MYCBP2: variants seen among roughly 807,000 people sequenced by gnomAD.
The protein encoded by MYCBP2 is MYC binding protein 2.
MYCBP2 carries 120 observed loss-of-function variants against 525.3 expected under a neutral mutation model. The ratio of observed to expected loss-of-function variants is 0.23; its 90% confidence interval spans 0.20 to 0.27. The LOEUF (loss-of-function observed/expected upper bound fraction) is 0.27, where lower values mean the gene tolerates loss of function less well. Ranked by LOEUF, MYCBP2 falls within the 10% of genes least tolerant of loss-of-function variation. The probability of loss-of-function intolerance (pLI) is 1.00; values close to 1 mark genes in which losing one functional copy is unlikely to be tolerated. For missense variants in MYCBP2, 4,149 were observed against 5,657.1 expected, an observed-to-expected ratio of 0.73 and a Z score of 8.55; for synonymous variants, 1,894 against 1,955.8, an observed-to-expected ratio of 0.97 and a Z score of 0.83.
At chr13:77,279,305 C>T (rs1159745217) in intron 3 of MYCBP2, among the ~76,000 whole-genome samples, 1 of 151,976 alleles carries the variant, frequency 6.6e-6, no homozygotes, top group East Asian at 1.9e-4. Flanking sequence ...AGTTGGTATC[C>T]CTTCTTGTAG....
At chr13:77,250,697 A>T (rs527619569) in intron 15 of MYCBP2, among the ~76,000 whole-genome samples, 48 of 152,352 alleles carry the variant, frequency 3.2e-4, no homozygotes, top group African/African-American at 1.1e-3. Flanking sequence ...AAGCAAGCAT[A>T]CAACGTTTCT....
In MYCBP2 at chr13:77,161,907, T is replaced by G; in HGVS notation, c.6596A>C (p.Gln2199Pro). 1 of 1,607,176 alleles carries G rather than the reference T, an allele frequency of 6.2e-7. No homozygotes were observed. The highest frequency in any genetic ancestry group is 8.5e-7 in the Non-Finnish European group (1 of 1,176,006). ...DLEILEEAAL[Q>P]VCKTHSGILG... is the part of the protein sequence containing the mutation. ...TCCTTAAAACATTTGGGACAATACC[T>G]GCAATGCAGCCTCCTCAAGAATTTC... The change falls in exon 44 of 83, where the codon CAG (glutamine) becomes CCG (proline). Residue 2199 changes from glutamine to proline, a missense_variant and splice_region_variant. Physicochemically the swap from Gln to Pro is moderately conservative, Grantham distance 76. Around this residue, in one of 21 missense-constraint regions of MYCBP2, gnomAD observed 692 missense variants for 852.7 expected, o/e 0.81. Transcript: ENST00000544440.
rs566284842 is a variant in MYCBP2 at position 77,097,546 on chromosome 13, T to C, written c.9608A>G (p.Lys3203Arg). The change falls in exon 56 of 83, where the codon AAG (lysine) becomes AGG (arginine). Residue 3203 changes from lysine (K) to arginine (R), a missense_variant. Lys to Arg is a conservative substitution (Grantham distance 26). Coordinates refer to ENST00000544440, the MANE Select transcript of MYCBP2 (RefSeq NM_015057.5). Reference protein sequence around the residue: ...LKKKECEKENKKSKKEKKKKE... With the variant: ...LKKKECEKENRKSKKEKKKKE... ...TTTCTTTTTTTCCTTTTTGGACTTC[T>C]TATTCTCTTTCTCACACTCTTTCTT... 1.1e-5 allele frequency: 18 copies of C among 1,612,772 alleles called. No homozygotes were observed. The East Asian group carries it at 3.6e-4, about 32-fold the overall frequency.
chr13:77,268,031 A>G (rs185706864), intron 7 of MYCBP2, 94 bp from the exon 8 acceptor site: 1 of 649,542 alleles, frequency 1.5e-6, no homozygotes, highest in African/African-American at 1.9e-5. Context: ...TTTTTGAGGT[A>G]CAATAATACA....
intron 57 of MYCBP2, among the ~76,000 whole-genome samples, chr13:77,095,805 T>C (rs979682474): frequency 1.3e-5 from 2 of 152,158 alleles, no homozygotes; most frequent in Non-Finnish European, 2.9e-5. Flanking sequence ...CAAACTATAC[T>C]TCCTTTCCTT....
At chr13:77,085,666 G>A (rs975004718) in intron 62 of MYCBP2, among the ~76,000 whole-genome samples, 1 of 152,142 alleles carries the variant, frequency 6.6e-6, no homozygotes, top group African/African-American at 2.4e-5. Context: ...TTTAGTGTTC[G>A]CCATTTTGGC....
chr13:77,174,594 A>G, intron 36 of MYCBP2, 105 bp from the exon 37 acceptor site: 2 of 801,138 alleles, frequency 2.5e-6, no homozygotes, highest in Non-Finnish European at 3.9e-6. Flanking sequence ...TCTTTGTCAT[A>G]TTTACAGATG....
chr13:77,186,360 C>G (rs2060714970), intron 30 of MYCBP2, among the ~76,000 whole-genome samples: 1 of 152,100 alleles, frequency 6.6e-6, no homozygotes, highest in Non-Finnish European at 1.5e-5. Flanking sequence ...TCCTGCTACC[C>G]AGCTATCTAG....
intron 2 of MYCBP2, among the ~76,000 whole-genome samples, chr13:77,294,470 A>G (rs2077959005): frequency 6.6e-6 from 1 of 152,072 alleles, no homozygotes; most frequent in Non-Finnish European, 1.5e-5. Context: ...AAATACTGAG[A>G]GCAAGAGGAA....
intron 44 of MYCBP2, 93 bp from the exon 45 acceptor site, chr13:77,158,202 T>G: frequency 2.9e-6 from 2 of 685,434 alleles, no homozygotes; most frequent in Non-Finnish European, 4.3e-6. Flanking sequence ...AGATAGGCCT[T>G]TACGGAGAAA....
intron 52 of MYCBP2, among the ~76,000 whole-genome samples, chr13:77,131,181 A>G (rs1317600840): frequency 6.6e-6 from 1 of 152,176 alleles, no homozygotes; most frequent in Non-Finnish European, 1.5e-5. Flanking sequence ...ATTTATCAAG[A>G]AGCAGAAATT....
intron 49 of MYCBP2, among the ~76,000 whole-genome samples, chr13:77,141,793 A>C (rs2154184597): frequency 6.6e-6 from 1 of 151,404 alleles, no homozygotes; most frequent in African/African-American, 2.4e-5. Flanking sequence ...AAAAAAGTAT[A>C]CATAGAGAAA....
At position 77,072,329 on chromosome 13, in the gene MYCBP2, G is replaced by A. The variant is rs560422622; in HGVS notation, c.11824-1618C>T. Among the ~76,000 whole-genome samples, 795 of 150,186 alleles carry A rather than the reference G, an allele frequency of 5.3e-3. 33 individuals carry two copies. Among genetic ancestry groups the A allele is most frequent in the East Asian group, 0.016 (84 of 5,146 alleles). On this transcript the variant is annotated intron_variant, in intron 68 of 82. Coordinates refer to ENST00000544440, the MANE Select transcript of MYCBP2 (RefSeq NM_015057.5). The stretch of plus-strand genomic sequence containing the variant: ...AAAAAAAAAAAAAAGAAATCAAATG[G>A]GAATAAGAAAACTAAGAAAACATTG...
chr13:77,210,052 C>T (rs778522892), intron 23 of MYCBP2, among the ~76,000 whole-genome samples: 1 of 152,074 alleles, frequency 6.6e-6, no homozygotes, highest in Non-Finnish European at 1.5e-5. Flanking sequence ...CTACTAAGGC[C>T]GGCCGCAAAA....
chr13:77,055,042 T>C (rs572304118), intron 80 of MYCBP2, among the ~76,000 whole-genome samples: 12 of 151,500 alleles, frequency 7.9e-5, no homozygotes, highest in Admixed American at 6.6e-4. Flanking sequence ...GGTGAAGGTA[T>C]AGATGTAAAA....
intron 1 of MYCBP2, among the ~76,000 whole-genome samples, chr13:77,315,426 T>C (rs1217518913): frequency 1.3e-5 from 2 of 152,198 alleles, no homozygotes; most frequent in East Asian, 3.9e-4. Context: ...TACCAGCAAA[T>C]CAAATTCAGC....
chr13:77,053,257 G>T (rs889636707), intron 80 of MYCBP2, among the ~76,000 whole-genome samples: 2 of 152,062 alleles, frequency 1.3e-5, no homozygotes, highest in African/African-American at 4.8e-5. Context: ...AATAGAATTT[G>T]AATAAATAAA....
intron 1 of MYCBP2, among the ~76,000 whole-genome samples, chr13:77,308,317 T>C (rs911375873): frequency 1.3e-5 from 2 of 152,210 alleles, no homozygotes; most frequent in Non-Finnish European, 2.9e-5. Flanking sequence ...CTATTAATTA[T>C]TCCCATTCTC....
In MYCBP2 at chr13:77,139,342, GA is replaced by G; in HGVS notation, c.7519-7del. ...ACACCATCATCATTATGGATCTATA[GA>G]AAAAAGCAACAGAAACAAGCCAGGC... On this transcript the variant is annotated splice_region_variant and splice_polypyrimidine_tract_variant and intron_variant, in intron 51 of 82. Coordinates refer to ENST00000544440, the MANE Select transcript of MYCBP2 (RefSeq NM_015057.5). The G allele has an allele frequency of 1.2e-6, 2 of 1,608,414 alleles. No individual in the cohort carries two copies. The highest frequency in any genetic ancestry group is 1.7e-6 in the Non-Finnish European group (2 of 1,176,970).
Sources: allele counts gnomAD v4.1 joint callset (sites outside exome capture counted in the v4.1 genomes callset), GRCh38; gene constraint gnomAD v4.1.1; regional missense constraint gnomAD v4.1.1; transcripts MANE v1.5; gene names NCBI Gene and HGNC (gene_info 2026-07-23, HGNC 2026-07-21).